ENPP3: variants seen among roughly 807,000 people sequenced by gnomAD.
ENPP3 encodes the protein ectonucleotide pyrophosphatase/phosphodiesterase family member 3.
A neutral mutation model predicts 117.8 loss-of-function variants in ENPP3; 104 were observed. The observed-to-expected ratio is 0.88, with a 90% confidence interval of 0.75 to 1.04. The LOEUF (loss-of-function observed/expected upper bound fraction) is 1.04. Ranked by LOEUF, ENPP3 falls within the 50% of genes least tolerant of loss-of-function variation. The probability of loss-of-function intolerance (pLI) is 0.00; values close to 1 mark genes in which losing one functional copy is unlikely to be tolerated. For missense variants in ENPP3, 1,026 were observed against 1,051.9 expected, an observed-to-expected ratio of 0.98 and a Z score of 0.34; for synonymous variants, 380 against 349.9, an observed-to-expected ratio of 1.09 and a Z score of -0.96.
At chr6:131,657,103 C>T (rs549077786) in intron 5 of ENPP3, among the ~76,000 whole-genome samples, 2 of 152,086 alleles carry the variant, frequency 1.3e-5, no homozygotes, top group African/African-American at 2.4e-5. Flanking sequence ...TGCAGTAGGC[C>T]ACTTTAATTT....
intron 14 of ENPP3, among the ~76,000 whole-genome samples, chr6:131,690,704 AC>A (rs773034738): frequency 6.6e-5 from 10 of 151,902 alleles, no homozygotes; most frequent in Non-Finnish European, 1.3e-4. Flanking sequence ...ATAATCTGGG[AC>A]CCACTGCAAG....
At chr6:131,711,672 CAATT>C (rs1252178108) in intron 15 of ENPP3, among the ~76,000 whole-genome samples, 1 of 115,578 alleles carries the variant, frequency 8.7e-6, no homozygotes, top group Non-Finnish European at 1.6e-5. Context: ...TTTTCTCTAT[CAATT>C]CTTGTTTCTC....
At chr6:131,700,936 A>C in intron 15 of ENPP3, 1 of 683,456 alleles carries the variant, frequency 1.5e-6, no homozygotes, top group Non-Finnish European at 2.3e-6. Context: ...AGATGAATCA[A>C]GGATAAAAGG....
intron 24 of ENPP3, among the ~76,000 whole-genome samples, chr6:131,741,039 C>T (rs1421636177): frequency 2.0e-5 from 3 of 152,132 alleles, no homozygotes; most frequent in Non-Finnish European, 4.4e-5. Flanking sequence ...ATTATACACA[C>T]ACACACACAA....
At position 131,724,081 on chromosome 6, in the gene ENPP3, C is replaced by G; in HGVS notation, c.1788C>G (p.Thr596=). Residue 596 remains threonine (T), a synonymous_variant, in exon 19 of 25, where the codon ACC becomes ACG. Transcript: ENST00000357639. ...LEQVNQMLNL[T]QEEITATVKV... ...AAGTGAATCAGATGCTAAATCTCAC[C>G]CAAGAAGAAAGTAAGTCAATAGAAA... The G allele has an allele frequency of 6.2e-7, 1 of 1,608,832 alleles. No individual in the cohort carries two copies. Among genetic ancestry groups the G allele is most frequent in the East Asian group, 2.2e-5 (1 of 44,818 alleles).
At chr6:131,693,666 C>A in intron 15 of ENPP3, 42 bp downstream of exon 15, 1 of 1,582,630 alleles carries the variant, frequency 6.3e-7, no homozygotes, top group Non-Finnish European at 8.6e-7. Flanking sequence ...CCTTTAATAA[C>A]CATTTGTCAT....
At chr6:131,667,758 G>A (rs143807170) in intron 6 of ENPP3, among the ~76,000 whole-genome samples, 6 of 152,276 alleles carry the variant, frequency 3.9e-5, no homozygotes, top group African/African-American at 1.4e-4. Flanking sequence ...GTAGTTTCTG[G>A]GTTTCTCACA....
rs1779062158 is a variant in ENPP3 at position 131,683,097 on chromosome 6, T to G, written c.1055T>G (p.Leu352Trp). The change falls in exon 12 of 25, where the codon TTG becomes TGG. Residue 352 changes from leucine (L) to tryptophan (W), a missense_variant. Transcript: ENST00000357639. ...LQVVDHAFGM[L>W]MEGLKQRNLH... ...GTAGTAGATCATGCTTTTGGGATGTTGATGGAAGGCCTGAAGCAGCGGAAT... is the reference window on the plus strand; with the variant it reads ...GTAGTAGATCATGCTTTTGGGATGTGGATGGAAGGCCTGAAGCAGCGGAAT... The G allele has an allele frequency of 2.5e-6, 4 of 1,612,902 alleles. No individual in the cohort carries two copies. The East Asian group carries it at 8.9e-5, about 36-fold the overall frequency.
chr6:131,739,593 CTTTTTTTTTTTT>C (rs71270397), intron 23 of ENPP3, among the ~76,000 whole-genome samples: 90 of 87,466 alleles, frequency 1.0e-3, no homozygotes, highest in African/African-American at 3.9e-3. Flanking sequence ...TCATGCTCTG[CTTTTTTTTTTTT>C]TTTTTTTTTT....
intron 14 of ENPP3, among the ~76,000 whole-genome samples, chr6:131,690,250 AC>A: frequency 6.6e-6 from 1 of 152,214 alleles, no homozygotes; most frequent in East Asian, 1.9e-4. Context: ...TTCGGATGCT[AC>A]AGAGAAATAC....
At chr6:131,708,988 A>G (rs200116065) in intron 15 of ENPP3, 20 of 1,589,598 alleles carry the variant, frequency 1.3e-5, no homozygotes, top group Non-Finnish European at 1.7e-5. Flanking sequence ...TGAATCAGGC[A>G]CATTTAAATT....
chr6:131,731,847 T>A (rs1358535293), intron 20 of ENPP3, among the ~76,000 whole-genome samples: 1 of 152,254 alleles, frequency 6.6e-6, no homozygotes, highest in Non-Finnish European at 1.5e-5. Flanking sequence ...ATTATTACTG[T>A]CTTCTTAATG....
intron 19 of ENPP3, among the ~76,000 whole-genome samples, chr6:131,725,143 T>A (rs900516963): frequency 6.6e-6 from 1 of 152,046 alleles, no homozygotes; most frequent in African/African-American, 2.4e-5. Flanking sequence ...GGAGAATCAC[T>A]TGAACCCAGG....
chr6:131,720,489 A>G, intron 17 of ENPP3, 110 bp downstream of exon 17: 1 of 531,974 alleles, frequency 1.9e-6, no homozygotes, highest in Non-Finnish European at 3.3e-6. Context: ...TGTAGTGAGA[A>G]GGCAGAAAGT....
chr6:131,727,555 CAAAAAAAAAA>C (rs773470669), intron 20 of ENPP3, among the ~76,000 whole-genome samples: 3 of 52,264 alleles, frequency 5.7e-5, no homozygotes, highest in African/African-American at 1.8e-4. Context: ...AAGTCCATCT[CAAAAAAAAAA>C]AAAAAAAAAA....
chr6:131,723,536 C>T lies in ENPP3; in HGVS notation c.1747-504C>T, dbSNP rs544433745. Among the ~76,000 whole-genome samples the T allele has an allele frequency of 1.6e-4, 24 of 152,102 alleles. No homozygotes were observed. The South Asian group carries it at 4.8e-3, about 30-fold the overall frequency. ...AAGCTTGTTCTATCTGGCTGCAAAC[C>T]CCAAGTTCTATGTAAAGAATGCCTC... On this transcript the variant is annotated intron_variant, in intron 18 of 24. Coordinates refer to ENST00000357639, the MANE Select transcript of ENPP3 (RefSeq NM_005021.5).
In ENPP3 at chr6:131,683,107, C is replaced by A. The variant is rs138566501; in HGVS notation, c.1065C>A (p.Gly355=). 6.2e-7 allele frequency: 1 copy of A among 1,612,714 alleles called. No homozygotes were observed. The highest frequency in any genetic ancestry group is 1.3e-5 in the African/African-American group (1 of 74,870). Residue 355 remains glycine (G), a synonymous_variant, in exon 12 of 25, where the codon GGC becomes GGA. Coordinates refer to ENST00000357639, the MANE Select transcript of ENPP3 (RefSeq NM_005021.5). Reference sequence around the variant, plus strand: ...ATGCTTTTGGGATGTTGATGGAAGGCCTGAAGCAGCGGAATTTGCACAACT... The same window carrying A: ...ATGCTTTTGGGATGTTGATGGAAGGACTGAAGCAGCGGAATTTGCACAACT... The part of the protein sequence containing the change: ...VDHAFGMLME[G]LKQRNLHNCV...
At chr6:131,683,534 G>A (rs931614710) in intron 12 of ENPP3, among the ~76,000 whole-genome samples, 1 of 152,042 alleles carries the variant, frequency 6.6e-6, no homozygotes, top group Admixed American at 6.6e-5. Context: ...TTGCCACACC[G>A]TGTGTATTTT....
intron 12 of ENPP3, 58 bp from the exon 13 acceptor site, chr6:131,685,306 A>G (rs1779128116): frequency 7.0e-7 from 1 of 1,433,098 alleles, no homozygotes; most frequent in Non-Finnish European, 9.7e-7. Flanking sequence ...CAAGACAGAA[A>G]TCAACCGTTG....
Sources: gnomAD v4.1 joint callset for allele counts (sites outside exome capture counted in the v4.1 genomes callset) on GRCh38, gnomAD v4.1.1 for gene constraint, MANE v1.5 for transcripts, NCBI Gene and HGNC (gene_info 2026-07-23, HGNC 2026-07-21) for gene names.